The following PARM1 variants were observed in gnomAD, a reference collection of about 807,000 sequenced individuals.
PARM1 encodes prostate androgen-regulated mucin-like protein 1.
In PARM1, 14 loss-of-function variants were observed where a neutral mutation model predicts 24.6. The observed-to-expected ratio is 0.57, with a 90% CI of 0.38 to 0.89. PARM1 has a LOEUF of 0.89. Among genes scored for constraint, PARM1 ranks in the 40% least tolerant of loss-of-function variants. The probability of loss-of-function intolerance (pLI) is 0.00; values close to 1 mark genes in which losing one functional copy is unlikely to be tolerated. For synonymous variants in PARM1, 179 were observed against 156.6 expected (o/e 1.14, Z -1.07); for missense variants, 362 against 380.4 (o/e 0.95, Z 0.40).
intron 1 of PARM1, among the ~76,000 whole-genome samples, chr4:75,003,879 T>TTCTC (rs140563593): frequency 6.0e-5 from 9 of 150,252 alleles, no homozygotes; most frequent in African/African-American, 1.2e-4. Flanking sequence ...CATTTTAACA[T>TTCTC]TCTCTCTCTC....
intron 3 of PARM1, among the ~76,000 whole-genome samples, chr4:75,037,078 G>A (rs1016767943): frequency 6.6e-6 from 1 of 152,150 alleles, no homozygotes; most frequent in African/African-American, 2.4e-5. Context: ...TTGCCAGGTT[G>A]TCGGAAAGCC....
chr4:74,971,756 G>A (rs917936591), intron 1 of PARM1, among the ~76,000 whole-genome samples: 7 of 152,122 alleles, frequency 4.6e-5, no homozygotes, highest in African/African-American at 1.7e-4. Flanking sequence ...GCACTAGTGG[G>A]GTTAATGAGG....
At chr4:74,963,771 C>T (rs1322419791) in intron 1 of PARM1, among the ~76,000 whole-genome samples, 2 of 151,942 alleles carry the variant, frequency 1.3e-5, no homozygotes, top group Non-Finnish European at 1.5e-5. Flanking sequence ...TAATGCCACC[C>T]AATTAAGCTC....
rs571898402 is a variant in PARM1 at position 75,037,405 on chromosome 4, T to C, written c.848+3444T>C. Among the ~76,000 whole-genome samples the C allele has an allele frequency of 3.3e-5, 5 of 152,220 alleles. No homozygotes were observed. In the East Asian group the frequency reaches 7.7e-4, roughly 24 times the overall value. On this transcript the variant is annotated intron_variant, in intron 3 of 3. Coordinates refer to ENST00000307428, the MANE Select transcript of PARM1 (RefSeq NM_015393.4). Reference sequence around the variant, plus strand: ...AAAGGCAGCCTCATGATCAGAAAAATAGAATGCTTGGCAAGCTCTGCTAAC... The same window carrying C: ...AAAGGCAGCCTCATGATCAGAAAAACAGAATGCTTGGCAAGCTCTGCTAAC...
chr4:74,976,953 G>A (rs944742089), intron 1 of PARM1, among the ~76,000 whole-genome samples: 1 of 152,132 alleles, frequency 6.6e-6, no homozygotes. Flanking sequence ...CCTATCCAAA[G>A]GTCATCAGCC....
chr4:75,017,416 G>A (rs1037500396), intron 2 of PARM1, among the ~76,000 whole-genome samples: 1 of 152,054 alleles, frequency 6.6e-6, no homozygotes, highest in African/African-American at 2.4e-5. Flanking sequence ...CCTGTCTCAG[G>A]GATTTTGCAG....
At chr4:75,015,877 C>T (rs576070400) in intron 2 of PARM1, among the ~76,000 whole-genome samples, 13 of 152,330 alleles carry the variant, frequency 8.5e-5, no homozygotes, top group South Asian at 4.1e-4. Context: ...GACCAAGCAA[C>T]ATTCTGTTGG....
chr4:75,035,726 C>G (rs527306448), intron 3 of PARM1, among the ~76,000 whole-genome samples: 1 of 152,218 alleles, frequency 6.6e-6, no homozygotes, highest in Non-Finnish European at 1.5e-5. Flanking sequence ...CTTGTAATAT[C>G]ACCTGCGTCT....
At chr4:74,933,582 G>T (rs1204163890) in intron 1 of PARM1, among the ~76,000 whole-genome samples, 1 of 152,186 alleles carries the variant, frequency 6.6e-6, no homozygotes, top group Non-Finnish European at 1.5e-5. Flanking sequence ...CCTTCCTGCC[G>T]CAGCCCGCGC....
chr4:75,034,258 C>G (rs765568641), intron 3 of PARM1, among the ~76,000 whole-genome samples: 9 of 152,092 alleles, frequency 5.9e-5, no homozygotes, highest in Non-Finnish European at 1.2e-4. Flanking sequence ...CCAAATGTAC[C>G]TCATTACCCT....
chr4:74,933,487 G>A, intron 1 of PARM1, 117 bp downstream of exon 1: 2 of 819,924 alleles, frequency 2.4e-6, no homozygotes, highest in Non-Finnish European at 4.1e-6. Flanking sequence ...CTCCGGGTGA[G>A]TGCGCAGGTG....
At chr4:74,944,264 G>A (rs987282008) in intron 1 of PARM1, among the ~76,000 whole-genome samples, 1 of 152,122 alleles carries the variant, frequency 6.6e-6, no homozygotes, top group African/African-American at 2.4e-5. Flanking sequence ...TAGCAATCGT[G>A]GTAAAATGTA....
At chr4:74,979,817 C>T (rs140809104) in intron 1 of PARM1, among the ~76,000 whole-genome samples, 9 of 152,318 alleles carry the variant, frequency 5.9e-5, no homozygotes, top group Non-Finnish European at 1.2e-4. Context: ...TCAACATACA[C>T]AAATCGATAA....
At chr4:75,011,940 C>T (rs1429262928) in intron 1 of PARM1, among the ~76,000 whole-genome samples, 1 of 152,144 alleles carries the variant, frequency 6.6e-6, no homozygotes, top group Non-Finnish European at 1.5e-5. Context: ...CAGTGAGCTC[C>T]TCAGCTGTGG....
At chr4:74,957,646 A>G (rs543863702) in intron 1 of PARM1, among the ~76,000 whole-genome samples, 4 of 152,330 alleles carry the variant, frequency 2.6e-5, no homozygotes, top group African/African-American at 9.6e-5. Context: ...ATTAGAAGTC[A>G]AGGAGAACCA....
intron 2 of PARM1, among the ~76,000 whole-genome samples, chr4:75,021,667 G>A (rs1723091035): frequency 6.6e-6 from 1 of 151,768 alleles, no homozygotes; most frequent in Non-Finnish European, 1.5e-5. Context: ...TTGTGTCTAC[G>A]TATACTCGAG....
chr4:74,991,374 C>T (rs1722463140), intron 1 of PARM1, among the ~76,000 whole-genome samples: 2 of 152,056 alleles, frequency 1.3e-5, no homozygotes, highest in African/African-American at 4.8e-5. Flanking sequence ...AGCTTGACAC[C>T]TAGACAGAGT....
chr4:75,013,247 A>C, intron 2 of PARM1, 97 bp downstream of exon 2: 1 of 1,224,076 alleles, frequency 8.2e-7, no homozygotes, highest in Non-Finnish European at 1.1e-6. Context: ...TGAATTTTGG[A>C]GTGTAACACC....
chr4:75,003,681 G>A (rs2109788560), intron 1 of PARM1, among the ~76,000 whole-genome samples: 1 of 152,208 alleles, frequency 6.6e-6, no homozygotes, highest in Middle Eastern at 3.4e-3. Context: ...CATATGGTTG[G>A]ACCACACTCT....
Sources: gnomAD v4.1 joint callset for allele counts (sites outside exome capture counted in the v4.1 genomes callset) on GRCh38, gnomAD v4.1.1 for gene constraint, MANE v1.5 for transcripts, NCBI Gene and HGNC (gene_info 2026-07-23, HGNC 2026-07-21) for gene names.